The following HIVEP3 variants were observed in gnomAD, a reference collection of about 807,000 sequenced individuals.
The protein encoded by HIVEP3 is HIVEP zinc finger 3, also known as transcription factor HIVEP3.
In HIVEP3, 49 loss-of-function variants were observed where a neutral mutation model predicts 152.8. That is an observed-to-expected ratio of 0.32 (90% CI 0.26 to 0.41). The LOEUF is 0.41. Ranked by LOEUF, HIVEP3 falls within the 10% of genes least tolerant of loss-of-function variation. The pLI is 1.00. For synonymous variants in HIVEP3, 1,269 were observed against 1,289.0 expected, an observed-to-expected ratio of 0.98 and a Z score of 0.33; for missense variants, 2,790 against 3,103.3, an observed-to-expected ratio of 0.90 and a Z score of 2.40.
chr1:41,567,029 G>C (rs888981356), intron 5 of HIVEP3, among the ~76,000 whole-genome samples: 3 of 152,032 alleles, frequency 2.0e-5, no homozygotes, highest in Non-Finnish European at 2.9e-5. Context: ...CTATCCAATT[G>C]CCAAATGTCT....
intron 1 of HIVEP3, among the ~76,000 whole-genome samples, chr1:41,863,121 A>G (rs1176979385): frequency 3.3e-5 from 5 of 152,236 alleles, no homozygotes; most frequent in Non-Finnish European, 5.9e-5. Flanking sequence ...ATACGTTCCC[A>G]GACGCAGAGT....
chr1:41,789,370 C>T lies in HIVEP3; in HGVS notation c.-800-88375G>A, dbSNP rs76719816. The stretch of plus-strand genomic sequence containing the variant: ...TGAGGAGGGGAAATGAGTTCATATG[C>T]GTACAAGGCATGAGTTCAACGTTTG... On this transcript the variant is annotated intron_variant, in intron 1 of 8. Transcript: ENST00000372583. Among the ~76,000 whole-genome samples the T allele has an allele frequency of 5.7e-3, 866 of 152,290 alleles. 7 individuals are homozygous for T. The highest frequency in any genetic ancestry group is 0.019 in the African/African-American group (803 of 41,554).
intron 1 of HIVEP3, among the ~76,000 whole-genome samples, chr1:41,797,762 G>A (rs573671693): frequency 6.6e-6 from 1 of 152,280 alleles, no homozygotes; most frequent in South Asian, 2.1e-4. Flanking sequence ...GCCAAGGCAG[G>A]CGGATCATAA....
At chr1:42,028,945 C>A (rs1221891974) in intron 1 of HIVEP3, among the ~76,000 whole-genome samples, 1 of 152,196 alleles carries the variant, frequency 6.6e-6, no homozygotes, top group African/African-American at 2.4e-5. Flanking sequence ...GGGCCAATGT[C>A]ACCAGATATT....
At chr1:42,035,243 G>A (rs960151226) in intron 1 of HIVEP3, among the ~76,000 whole-genome samples, 1 of 152,226 alleles carries the variant, frequency 6.6e-6, no homozygotes, top group East Asian at 1.9e-4. Flanking sequence ...ACGTAGAGAC[G>A]GAGAGACCCG....
intron 1 of HIVEP3, among the ~76,000 whole-genome samples, chr1:41,778,112 C>T (rs141537150): frequency 2.0e-5 from 3 of 152,260 alleles, no homozygotes; most frequent in African/African-American, 4.8e-5. Context: ...ATTAGTTGCA[C>T]GCACTTCATT....
intron 1 of HIVEP3, among the ~76,000 whole-genome samples, chr1:41,722,403 G>GCCTTCCTGCTTT (rs1553253036): frequency 8.9e-6 from 1 of 112,974 alleles, no homozygotes; most frequent in Non-Finnish European, 1.8e-5. Context: ...AATTTGGCTG[G>GCCTTCCTGCTTT]CCTTCCTTCC....
intron 2 of HIVEP3, among the ~76,000 whole-genome samples, chr1:41,651,901 C>A (rs1411789995): frequency 6.6e-6 from 1 of 152,146 alleles, no homozygotes; most frequent in Non-Finnish European, 1.5e-5. Flanking sequence ...TGTGTACTAT[C>A]TGTTTATCTT....
chr1:41,512,688 G>T (rs2984693), intron 8 of HIVEP3, 128 bp downstream of exon 8: 765,398 of 773,896 alleles, frequency 0.99, 378,851 homozygotes, highest in East Asian at 1. Flanking sequence ...AAATGTTTGC[G>T]AAATTATTAA....
chr1:41,635,444 T>C (rs1388530674), intron 2 of HIVEP3, among the ~76,000 whole-genome samples: 1 of 148,776 alleles, frequency 6.7e-6, no homozygotes, highest in East Asian at 2.0e-4. Context: ...AAGTTGAAAA[T>C]AAAACGAGTG....
At chr1:41,644,693 C>CTTTTTTTTTTTTTTTTTTTTTTTTTT (rs60511656) in intron 2 of HIVEP3, among the ~76,000 whole-genome samples, 2 of 74,738 alleles carry the variant, frequency 2.7e-5, no homozygotes, top group Admixed American at 1.9e-4. Flanking sequence ...CATATCTGTT[C>CTTTTTTTTTTTTTTTTTTTTTTTTTT]TTTTTTTTTT....
At chr1:41,896,054 T>C (rs1644522437) in intron 1 of HIVEP3, among the ~76,000 whole-genome samples, 1 of 152,208 alleles carries the variant, frequency 6.6e-6, no homozygotes, top group Non-Finnish European at 1.5e-5. Flanking sequence ...CAATATATTT[T>C]GACACATTTA....
chr1:41,991,950 C>G (rs956799357), intron 1 of HIVEP3, among the ~76,000 whole-genome samples: 13 of 144,062 alleles, frequency 9.0e-5, no homozygotes, highest in African/African-American at 2.4e-4. Flanking sequence ...ATTCAACAAC[C>G]CTTCATGCTA....
At chr1:41,611,679 A>C (rs531313356) in intron 3 of HIVEP3, among the ~76,000 whole-genome samples, 3 of 152,230 alleles carry the variant, frequency 2.0e-5, no homozygotes, top group Non-Finnish European at 4.4e-5. Context: ...GAAGCAAGGG[A>C]AAACTCGAAT....
At chr1:41,605,108 TAA>T (rs76841605) in intron 3 of HIVEP3, among the ~76,000 whole-genome samples, 48 of 83,934 alleles carry the variant, frequency 5.7e-4, no homozygotes, top group East Asian at 1.2e-3. Flanking sequence ...CTGTCTCCAA[TAA>T]AAAAAAAAAA....
intron 1 of HIVEP3, among the ~76,000 whole-genome samples, chr1:41,710,207 C>T (rs1431991442): frequency 1.3e-5 from 2 of 152,152 alleles, no homozygotes; most frequent in African/African-American, 4.8e-5. Flanking sequence ...TCAGAGCTCC[C>T]ACCTCCCCTC....
intron 1 of HIVEP3, among the ~76,000 whole-genome samples, chr1:42,004,834 CTG>C (rs1645449287): frequency 6.6e-6 from 1 of 152,196 alleles, no homozygotes; most frequent in African/African-American, 2.4e-5. Flanking sequence ...GCCTGGCAGT[CTG>C]TGTTTCAAGT....
chr1:41,582,506 C>G lies in HIVEP3; in HGVS notation c.2292G>C (p.Val764=). Reference sequence around the variant, plus strand: ...AGCCCGTGGGTCCCTCCAAGGAGGGCACTGATTTACTTGGTTCTGCTGGTG... The same window carrying G: ...AGCCCGTGGGTCCCTCCAAGGAGGGGACTGATTTACTTGGTTCTGCTGGTG... ...TKSPAEPSKS[V]PSLEGPTGFQ... Residue 764 remains valine (V), a synonymous_variant, in exon 4 of 9, where the codon GTG becomes GTC. Coordinates refer to ENST00000372583, the MANE Select transcript of HIVEP3 (RefSeq NM_024503.5). The surrounding 1 kb of genome is among the most constrained non-coding windows in gnomAD (Gnocchi z 4.7). The G allele has an allele frequency of 1.9e-6, 3 of 1,612,026 alleles. No homozygotes were observed. Among genetic ancestry groups the G allele is most frequent in the Non-Finnish European group, 2.5e-6 (3 of 1,178,686 alleles).
intron 1 of HIVEP3, among the ~76,000 whole-genome samples, chr1:41,962,299 T>A (rs994767099): frequency 6.6e-6 from 1 of 152,232 alleles, no homozygotes; most frequent in African/African-American, 2.4e-5. Flanking sequence ...CAGAGCTTAC[T>A]CAGGTCAGCC....
Sources: gnomAD v4.1 joint callset for allele counts (sites outside exome capture counted in the v4.1 genomes callset) on GRCh38, gnomAD v4.1.1 for gene constraint, Gnocchi (gnomAD v3.1) non-coding constraint, MANE v1.5 for transcripts, NCBI Gene and HGNC (gene_info 2026-07-23, HGNC 2026-07-21) for gene names.